KLRG1: variants seen among roughly 807,000 people sequenced by gnomAD.
KLRG1 encodes the protein killer cell lectin-like receptor subfamily G member 1.
In KLRG1, 16 loss-of-function variants were observed where a neutral mutation model predicts 21.8. The ratio of observed to expected loss-of-function variants is 0.73; its 90% confidence interval spans 0.50 to 1.11. The LOEUF is 1.11. Ranked by LOEUF, KLRG1 falls within the 50% of genes most tolerant of loss-of-function variation. KLRG1 has a pLI of 0.00. For synonymous variants in KLRG1, 69 were observed against 75.9 expected (o/e 0.91, Z 0.47); for missense variants, 173 against 218.3 (o/e 0.79, Z 1.31).
the KLRG1 span, among the ~76,000 whole-genome samples, chr12:9,174,412 A>G: frequency 1.3e-5 from 2 of 152,214 alleles, no homozygotes; most frequent in Admixed American, 1.3e-4. Flanking sequence ...AAACTGGCAC[A>G]AGACAGGGAA....
At chr12:9,190,604 GAA>G in the KLRG1 span, among the ~76,000 whole-genome samples, 1 of 152,088 alleles carries the variant, frequency 6.6e-6, no homozygotes, top group Non-Finnish European at 1.5e-5. Flanking sequence ...AGTAGGCTTA[GAA>G]CCTGGGTAAC....
At chr12:9,085,707 A>G in the KLRG1 span, among the ~76,000 whole-genome samples, 3 of 152,062 alleles carry the variant, frequency 2.0e-5, no homozygotes, top group Admixed American at 6.6e-5. Flanking sequence ...CAAAAGATCA[A>G]TGAAACTGAA....
At chr12:9,157,907 T>C in the KLRG1 span, 1 of 1,305,074 alleles carries the variant, frequency 7.7e-7, no homozygotes, top group Non-Finnish European at 1.1e-6. Context: ...TTCTGTTGTT[T>C]GATGGAAACG....
chr12:8,978,656 CTTTCT>C (rs1565541220), intron 1 of KLRG1, among the ~76,000 whole-genome samples: 9,724 of 147,452 alleles, frequency 0.066, 512 homozygotes, highest in South Asian at 0.11. Flanking sequence ...TTCTTTCTTT[CTTTCT>C]TTCTTTCTTT....
At chr12:9,113,105 C>CTT in the KLRG1 span, among the ~76,000 whole-genome samples, 140 of 143,906 alleles carry the variant, frequency 9.7e-4, 1 homozygote, top group East Asian at 0.011. Context: ...GTCACATTTT[C>CTT]TTTTTTTTTT....
chr12:9,086,049 T>A, the KLRG1 span, among the ~76,000 whole-genome samples: 10 of 152,312 alleles, frequency 6.6e-5, 1 homozygote, highest in African/African-American at 2.4e-4. Flanking sequence ...GCTTCACTGC[T>A]AGGTTCTACT....
the KLRG1 span, among the ~76,000 whole-genome samples, chr12:9,045,844 G>A: frequency 6.6e-6 from 1 of 152,158 alleles, no homozygotes; most frequent in African/African-American, 2.4e-5. Flanking sequence ...TATACACCAT[G>A]GAATACTATG....
chr12:9,214,436 T>C, the KLRG1 span, among the ~76,000 whole-genome samples: 1 of 152,070 alleles, frequency 6.6e-6, no homozygotes, highest in African/African-American at 2.4e-5. Flanking sequence ...ATCTTTGTTA[T>C]CTTTATCCGA....
At chr12:9,154,462 A>C in the KLRG1 span, among the ~76,000 whole-genome samples, 1 of 152,196 alleles carries the variant, frequency 6.6e-6, no homozygotes, top group Non-Finnish European at 1.5e-5. Context: ...GGATGTCTTA[A>C]GTCTTTCCTT....
At chr12:9,087,520 A>T in the KLRG1 span, among the ~76,000 whole-genome samples, 2 of 152,160 alleles carry the variant, frequency 1.3e-5, no homozygotes, top group African/African-American at 4.8e-5. Flanking sequence ...AGTAAAAGGA[A>T]GGTGGTGTTC....
chr12:9,112,032 T>G, the KLRG1 span: 1 of 895,986 alleles, frequency 1.1e-6, no homozygotes. Context: ...CTTGTGCTGT[T>G]GTAATGCCAG....
chr12:9,049,040 C>T, the KLRG1 span, among the ~76,000 whole-genome samples: 3 of 152,184 alleles, frequency 2.0e-5, no homozygotes, highest in African/African-American at 7.2e-5. Flanking sequence ...AATTAAGAGA[C>T]AGAAGTTTAT....
At chr12:9,003,587 A>T (rs1947369295) in intron 3 of KLRG1, among the ~76,000 whole-genome samples, 1 of 152,072 alleles carries the variant, frequency 6.6e-6, no homozygotes. Flanking sequence ...CATCTGTCGT[A>T]TACTTCATTC....
At chr12:9,187,951 G>C in the KLRG1 span, among the ~76,000 whole-genome samples, 1 of 152,252 alleles carries the variant, frequency 6.6e-6, no homozygotes, top group African/African-American at 2.4e-5. Context: ...ACCCTGATGG[G>C]GGTGGGGTGG....
At chr12:9,112,303 C>T in the KLRG1 span, 5 of 1,604,760 alleles carry the variant, frequency 3.1e-6, no homozygotes, top group African/African-American at 1.3e-5. Flanking sequence ...ATTATAGGAA[C>T]TTTGCCTGGG....
At chr12:9,057,822 A>T in the KLRG1 span, 8 of 152,224 alleles carry the variant, frequency 5.3e-5, no homozygotes, top group Admixed American at 5.2e-4. Context: ...TTAGTGGGCT[A>T]ATAGGATTCA....
chr12:9,126,492 G>A, the KLRG1 span, among the ~76,000 whole-genome samples: 3 of 152,184 alleles, frequency 2.0e-5, no homozygotes, highest in African/African-American at 7.2e-5. Flanking sequence ...ATTTTTTTCA[G>A]AAGAATGCCT....
chr12:9,112,293 A>AT, the KLRG1 span: 1 of 1,605,526 alleles, frequency 6.2e-7, no homozygotes, highest in South Asian at 1.1e-5. Flanking sequence ...AGGAACCAAG[A>AT]TTATAGGAAC....
the KLRG1 span, chr12:9,180,937 C>A: frequency 6.3e-7 from 1 of 1,575,774 alleles, no homozygotes; most frequent in Non-Finnish European, 8.6e-7. Context: ...TTGATCTGAG[C>A]CTCTGGAATG....
Sources: gnomAD v4.1 joint callset for allele counts (sites outside exome capture counted in the v4.1 genomes callset) on GRCh38, gnomAD v4.1.1 for gene constraint, MANE v1.5 for transcripts, NCBI Gene and HGNC (gene_info 2026-07-23, HGNC 2026-07-21) for gene names.